Variants in STARD8 observed in about 807,000 individuals in gnomAD.
The protein encoded by STARD8 is stAR-related lipid transfer protein 8.
Under a neutral mutation model 69.4 loss-of-function variants are expected in STARD8, and 25 were observed. The ratio of observed to expected loss-of-function variants is 0.36; its 90% CI spans 0.26 to 0.50. The LOEUF is 0.50. Among genes scored for constraint, STARD8 ranks in the 20% least tolerant of loss-of-function variants. The pLI, the probability that STARD8 is intolerant of heterozygous loss-of-function variation, is 0.96. For missense variants in STARD8, 921 were observed against 932.5 expected, an observed-to-expected ratio of 0.99 and a Z score of 0.16; for synonymous variants, 389 against 374.6, an observed-to-expected ratio of 1.04 and a Z score of -0.45.
At chrX:68,661,325 G>C (rs1019458659) in intron 1 of STARD8, among the ~76,000 whole-genome samples, 2 of 111,833 alleles carry the variant, frequency 1.8e-5, no homozygotes, top group Non-Finnish European at 3.8e-5. Flanking sequence ...TTCTCACCCA[G>C]CAACCATCGT....
intron 2 of STARD8, among the ~76,000 whole-genome samples, chrX:68,673,194 A>G (rs1178148971): frequency 8.9e-6 from 1 of 111,889 alleles, no homozygotes; most frequent in African/African-American, 3.3e-5. Context: ...AAAGAGTCCA[A>G]GTCTCCTTTC....
Position 68,724,774 on chromosome X carries a change from C to T in STARD8, c.*352C>T, listed in dbSNP as rs929999502. The T allele has an allele frequency of 3.6e-5, 6 of 165,299 alleles. No individual in the cohort carries two copies. The highest frequency in any genetic ancestry group is 7.8e-5 in the Admixed American group (1 of 12,741). 13.6% of individuals were successfully genotyped at this position (165,299 alleles called of 1,213,427 possible). On this transcript the variant is annotated 3_prime_UTR_variant, in exon 15 of 15. Coordinates refer to ENST00000374599, the MANE Select transcript of STARD8 (RefSeq NM_001142503.3). ...TCCCCGCCTGCAGGGGCAAAGAGGTCGACAGCAATGTGTGATCCCAGCTCT... is the reference window on the plus strand; with the variant it reads ...TCCCCGCCTGCAGGGGCAAAGAGGTTGACAGCAATGTGTGATCCCAGCTCT...
At chrX:68,690,187 C>T (rs1008336341) in intron 2 of STARD8, among the ~76,000 whole-genome samples, 2 of 110,166 alleles carry the variant, frequency 1.8e-5, no homozygotes, top group African/African-American at 3.3e-5. Context: ...GTGAGGCCAC[C>T]GGTACTCATG....
chrX:68,721,777 GC>G lies in STARD8; in HGVS notation c.2459+32del. On this transcript the variant is annotated intron_variant, in intron 10 of 14. Transcript: ENST00000374599. ...ATGGTGCACGGCATGTCAGGGCCGG[GC>G]TGGGTCCAGACAATTTGGGCCCCAC... 3 of 1,181,279 alleles carry G rather than the reference GC, an allele frequency of 2.5e-6. No homozygotes were observed. In the South Asian group the frequency reaches 5.6e-5, roughly 22 times the overall value.
chrX:68,670,390 G>C (rs907923109), intron 2 of STARD8, among the ~76,000 whole-genome samples: 6 of 111,666 alleles, frequency 5.4e-5, no homozygotes, highest in African/African-American at 2.0e-4. Flanking sequence ...CAGTGGAAAG[G>C]GCAATTTCAA....
Position 68,701,786 on chromosome X carries a change from G to C in STARD8, c.80-11128G>C, listed in dbSNP as rs150854955. 6.0e-3 allele frequency among the ~76,000 whole-genome samples: 674 copies of C among 111,739 alleles called. 7 individuals are homozygous for C. Among genetic ancestry groups the C allele is most frequent in the African/African-American group, 0.021 (644 of 30,722 alleles). ...AGAACAGGGTGCTGGGTGGCATCAG[G>C]GAGGAAGAGACATTTGAATATGCTC... On this transcript the variant is annotated intron_variant, in intron 2 of 14. Coordinates refer to ENST00000374599, the MANE Select transcript of STARD8 (RefSeq NM_001142503.3).
chrX:68,713,271 G>GT (rs905367255), intron 3 of STARD8, among the ~76,000 whole-genome samples: 6 of 112,710 alleles, frequency 5.3e-5, no homozygotes, highest in African/African-American at 1.9e-4. Context: ...AGGATGCCAT[G>GT]TAGGTACACA....
chrX:68,654,196 CTCAGAGGGCA>C (rs1016891766), intron 1 of STARD8, among the ~76,000 whole-genome samples: 1 of 111,809 alleles, frequency 8.9e-6, no homozygotes, highest in African/African-American at 3.3e-5. Flanking sequence ...TGGCCAAGGT[CTCAGAGGGCA>C]TCAGGACACA....
At chrX:68,709,349 C>T (rs1396314777) in intron 2 of STARD8, among the ~76,000 whole-genome samples, 1 of 112,597 alleles carries the variant, frequency 8.9e-6, no homozygotes, top group African/African-American at 3.2e-5. Flanking sequence ...TGTCCGGACC[C>T]ACAGGGGAAC....
intron 1 of STARD8, among the ~76,000 whole-genome samples, chrX:68,652,014 ATT>A (rs376303482): frequency 5.1e-5 from 5 of 97,834 alleles, no homozygotes; most frequent in Admixed American, 1.1e-4. Context: ...CGCCCAGCTA[ATT>A]TTTTTTTTTT....
Position 68,647,944 on chromosome X carries a change from C to T in STARD8, c.45+17C>T, listed in dbSNP as rs948471604. 2.6e-5 allele frequency: 31 copies of T among 1,194,397 alleles called. No homozygotes were observed. Among genetic ancestry groups the T allele is most frequent in the Non-Finnish European group, 3.3e-5 (29 of 886,712 alleles). ...AAGGTGAAGGTAAGTGACTGGCCAG[C>T]CCCAGCCCATCCCGCTGCTCAGGGG... On this transcript the variant is annotated intron_variant, in intron 1 of 14. Transcript: ENST00000374599.
In STARD8 at chrX:68,697,823, C is replaced by T. The variant is rs181513821; in HGVS notation, c.80-15091C>T. On this transcript the variant is annotated intron_variant, in intron 2 of 14. Coordinates refer to ENST00000374599, the MANE Select transcript of STARD8 (RefSeq NM_001142503.3). ...GATTCCCTCAGTGCAGGCCTCTGCC[C>T]CCACCCACCTCACCACAGCCTGTCA... 5.2e-3 allele frequency among the ~76,000 whole-genome samples: 580 copies of T among 112,295 alleles called. 2 individuals carry two copies. The highest frequency in any genetic ancestry group is 0.018 in the African/African-American group (550 of 30,922).
intron 2 of STARD8, among the ~76,000 whole-genome samples, chrX:68,688,844 A>C (rs1490233200): frequency 5.2e-4 from 26 of 50,306 alleles, no homozygotes; most frequent in African/African-American, 7.0e-4. Context: ...TGCCACCCCC[A>C]CCCCCGTGCT....
chrX:68,689,527 G>A (rs2079860460), intron 2 of STARD8, among the ~76,000 whole-genome samples: 1 of 112,661 alleles, frequency 8.9e-6, no homozygotes, highest in Non-Finnish European at 1.9e-5. Context: ...GAAAGAGCCA[G>A]GGCTGGGTTA....
chrX:68,695,395 G>A (rs1370397319), intron 2 of STARD8, among the ~76,000 whole-genome samples: 3 of 111,408 alleles, frequency 2.7e-5, no homozygotes, highest in Non-Finnish European at 3.8e-5. Context: ...TTGTTAATGT[G>A]TTGGACTTTG....
rs61736986 is a variant in STARD8, at chrX:68,717,379, C to T, written c.465C>T (p.Ala155=). 4.8e-3 allele frequency: 5,816 copies of T among 1,206,389 alleles called. 218 individuals are homozygous for T. In the African/African-American group the frequency reaches 0.091, roughly 19 times the overall value. ...AGAGCGTCCTCACCGAGCTTAGTGC[C>T]ACCTCTCTGCCAGTCATCACCGTGA... ...SCESVLTELS[A]TSLPVITVSL... is the part of the protein sequence containing the mutation. The change falls in exon 6 of 15, where the codon GCC becomes GCT. Residue 155 remains alanine (A), a synonymous_variant. Transcript: ENST00000374599.
chrX:68,723,733 G>T lies in STARD8; in HGVS notation c.2907G>T (p.Glu969Asp). Residue 969 changes from glutamate to aspartate, a missense_variant, in exon 13 of 15, where the codon GAG (glutamate) becomes GAT (aspartate). By Grantham distance (45) the Glu-to-Asp change is conservative. Coordinates refer to ENST00000374599, the MANE Select transcript of STARD8 (RefSeq NM_001142503.3). ...TCCGGGAGCGGGCCCTCTGGGATGA[G>T]GATCTGCTGCGGGCCCAGGTGCTGG... ...RVLRERALWDEDLLRAQVLEA... is the reference protein window; with the variant it reads ...RVLRERALWDDDLLRAQVLEA... 8.4e-7 allele frequency: 1 copy of T among 1,188,607 alleles called. No homozygotes were observed. Among genetic ancestry groups the T allele is most frequent in the Non-Finnish European group, 1.1e-6 (1 of 883,542 alleles).
intron 2 of STARD8, among the ~76,000 whole-genome samples, chrX:68,703,882 A>G (rs2079985224): frequency 9.0e-6 from 1 of 110,967 alleles, no homozygotes; most frequent in Admixed American, 9.5e-5. Context: ...AGCAGAGTTC[A>G]TTTTCTGTTC....
intron 2 of STARD8, among the ~76,000 whole-genome samples, chrX:68,709,625 G>A (rs961375298): frequency 2.7e-5 from 3 of 110,798 alleles, no homozygotes; most frequent in African/African-American, 9.9e-5. Context: ...ATATCAGCCT[G>A]GGCAATATAG....
Sources: gnomAD v4.1 joint callset for allele counts (sites outside exome capture counted in the v4.1 genomes callset) on GRCh38, gnomAD v4.1.1 for gene constraint, MANE v1.5 for transcripts, NCBI Gene and HGNC (gene_info 2026-07-23, HGNC 2026-07-21) for gene names.